Variants in CMTM8 observed in about 807,000 individuals in gnomAD.
CMTM8 encodes the protein CKLF like MARVEL transmembrane domain containing 8.
CMTM8 carries 12 observed loss-of-function variants against 18.6 expected under a neutral mutation model. That is an observed-to-expected ratio of 0.65 (90% CI 0.41 to 1.05). The LOEUF is 1.05. Ranked by LOEUF, CMTM8 falls within the 50% of genes least tolerant of loss-of-function variation. CMTM8 has a pLI of 0.00. For missense variants in CMTM8, 217 were observed against 227.2 expected (o/e 0.95, Z 0.29); for synonymous variants, 87 against 90.6 (o/e 0.96, Z 0.23).
intron 1 of CMTM8, chr3:32,259,502 A>C (rs182357608): frequency 6.4e-6 from 5 of 780,468 alleles, no homozygotes; most frequent in East Asian, 2.4e-5. Context: ...CTTCAAGGTC[A>C]TTGATGACAC....
chr3:32,243,297 G>A (rs1452028911), intron 1 of CMTM8, among the ~76,000 whole-genome samples: 1 of 151,914 alleles, frequency 6.6e-6, no homozygotes, highest in Non-Finnish European at 1.5e-5. Flanking sequence ...TTGGGAGGCT[G>A]AGGCCAGCAG....
chr3:32,346,814 C>CTTTTTTTTTTTT (rs34230571), intron 1 of CMTM8, among the ~76,000 whole-genome samples: 1 of 131,458 alleles, frequency 7.6e-6, no homozygotes. Context: ...TGTTATAATT[C>CTTTTTTTTTTTT]TTTTTTTTTT....
At chr3:32,259,460 T>G in intron 1 of CMTM8, 1 of 783,930 alleles carries the variant, frequency 1.3e-6, no homozygotes, top group South Asian at 1.3e-5. Flanking sequence ...ACTGGCCATG[T>G]GCCAGTCTTT....
At chr3:32,257,168 G>C (rs1702184928) in intron 1 of CMTM8, among the ~76,000 whole-genome samples, 1 of 152,112 alleles carries the variant, frequency 6.6e-6, no homozygotes, top group Non-Finnish European at 1.5e-5. Context: ...TTAGAGACGG[G>C]TTTTTGCCAT....
chr3:32,260,944 G>A (rs1702248482), intron 1 of CMTM8, among the ~76,000 whole-genome samples: 1 of 152,104 alleles, frequency 6.6e-6, no homozygotes, highest in Admixed American at 6.6e-5. Context: ...TATGAAGGTT[G>A]GATACAGTGG....
chr3:32,275,526 C>T (rs1460839105), intron 1 of CMTM8, among the ~76,000 whole-genome samples: 1 of 152,000 alleles, frequency 6.6e-6, no homozygotes, highest in African/African-American at 2.4e-5. Flanking sequence ...AACTCATAAC[C>T]CTTGTTCTGG....
intron 2 of CMTM8, among the ~76,000 whole-genome samples, chr3:32,360,047 G>A (rs1400192500): frequency 6.6e-6 from 1 of 152,122 alleles, no homozygotes; most frequent in Non-Finnish European, 1.5e-5. Flanking sequence ...CCTTTAGAAG[G>A]GTTTAATCAT....
chr3:32,256,813 T>C (rs1288341863), intron 1 of CMTM8, among the ~76,000 whole-genome samples: 1 of 152,212 alleles, frequency 6.6e-6, no homozygotes, highest in African/African-American at 2.4e-5. Context: ...TGGTGTTCCC[T>C]GCTGAGAATA....
At chr3:32,248,439 G>A (rs1344537563) in intron 1 of CMTM8, among the ~76,000 whole-genome samples, 2 of 152,006 alleles carry the variant, frequency 1.3e-5, no homozygotes, top group African/African-American at 4.8e-5. Context: ...TTGGCTCACT[G>A]CAACCTCCGC....
At chr3:32,323,519 A>G (rs114016698) in intron 1 of CMTM8, among the ~76,000 whole-genome samples, 14 of 152,274 alleles carry the variant, frequency 9.2e-5, no homozygotes, top group African/African-American at 3.4e-4. Flanking sequence ...TTTACCCCCA[A>G]TAGTCTTTCC....
chr3:32,245,861 G>A (rs142581688), intron 1 of CMTM8, among the ~76,000 whole-genome samples: 165 of 152,138 alleles, frequency 1.1e-3, no homozygotes, highest in African/African-American at 3.7e-3. Context: ...GTGCAGTGGC[G>A]TGATCTTAGC....
intron 2 of CMTM8, among the ~76,000 whole-genome samples, chr3:32,366,993 T>C (rs9835351): frequency 0.14 from 21,810 of 152,152 alleles, 1,694 homozygotes; most frequent in Middle Eastern, 0.21. Context: ...AAATTCTATG[T>C]AGCTTTTTTT....
intron 1 of CMTM8, among the ~76,000 whole-genome samples, chr3:32,242,221 C>T (rs1050899868): frequency 2.0e-5 from 3 of 152,224 alleles, no homozygotes; most frequent in Non-Finnish European, 4.4e-5. Flanking sequence ...TAGCTTGATT[C>T]TATACACAAT....
intron 1 of CMTM8, among the ~76,000 whole-genome samples, chr3:32,276,010 C>G (rs1702511703): frequency 6.6e-6 from 1 of 152,146 alleles, no homozygotes; most frequent in Non-Finnish European, 1.5e-5. Context: ...TCACCCACCT[C>G]CTTTATCCTT....
chr3:32,241,666 A>G (rs1467447197), intron 1 of CMTM8, among the ~76,000 whole-genome samples: 1 of 152,188 alleles, frequency 6.6e-6, no homozygotes, highest in African/African-American at 2.4e-5. Context: ...GATACTTTCC[A>G]CTTAGGATGG....
At chr3:32,317,380 G>A (rs377230165) in intron 1 of CMTM8, among the ~76,000 whole-genome samples, 628 of 152,302 alleles carry the variant, frequency 4.1e-3, no homozygotes, top group Non-Finnish European at 7.6e-3. Context: ...CATCTTACTT[G>A]AAATGACATT....
chr3:32,298,107 G>A (rs992034481), intron 1 of CMTM8, among the ~76,000 whole-genome samples: 7 of 149,364 alleles, frequency 4.7e-5, no homozygotes, highest in African/African-American at 4.9e-5. Flanking sequence ...CTGGAGTCTC[G>A]TTCTGTCGCT....
chr3:32,293,672 C>T (rs1326232190), intron 1 of CMTM8, among the ~76,000 whole-genome samples: 1 of 152,134 alleles, frequency 6.6e-6, no homozygotes, highest in African/African-American at 2.4e-5. Flanking sequence ...ATGGAGAAAC[C>T]TCGTCTCTAC....
At chr3:32,361,286 G>GTTTGT (rs140270969) in intron 2 of CMTM8, among the ~76,000 whole-genome samples, 9 of 87,262 alleles carry the variant, frequency 1.0e-4, no homozygotes, top group Admixed American at 1.2e-4. Flanking sequence ...CAGCCTAAGA[G>GTTTGT]TTTTTTTTTC....
Sources: allele counts gnomAD v4.1 joint callset (sites outside exome capture counted in the v4.1 genomes callset), GRCh38; gene constraint gnomAD v4.1.1; transcripts MANE v1.5; gene names NCBI Gene and HGNC (gene_info 2026-07-23, HGNC 2026-07-21).